ZRANB3: variants seen among roughly 807,000 people sequenced by gnomAD.
ZRANB3 encodes the protein zinc finger RANBP2-type containing 3, also known as DNA annealing helicase and endonuclease ZRANB3.
In ZRANB3, 125 loss-of-function variants were observed where a neutral mutation model predicts 133.8. That is an observed-to-expected ratio of 0.93 (90% CI 0.81 to 1.08). ZRANB3 has a LOEUF of 1.08. Among genes scored for constraint, ZRANB3 ranks in the 50% least tolerant of loss-of-function variants. The pLI, the probability that ZRANB3 is intolerant of heterozygous loss-of-function variation, is 0.00. For missense variants in ZRANB3, 1,229 were observed against 1,275.5 expected (o/e 0.96, Z 0.56); for synonymous variants, 387 against 432.7 (o/e 0.89, Z 1.31).
intron 6 of ZRANB3, among the ~76,000 whole-genome samples, chr2:135,334,016 ATTATCCCTACCTAAC>A (rs1684267588): frequency 6.6e-6 from 1 of 152,274 alleles, no homozygotes; most frequent in Middle Eastern, 3.4e-3. Flanking sequence ...GACTCTGTAT[ATTATCCCTACCTAAC>A]TCCGTCACTA....
intron 12 of ZRANB3, among the ~76,000 whole-genome samples, chr2:135,260,950 T>C (rs1322978696): frequency 1.4e-5 from 2 of 147,028 alleles, no homozygotes; most frequent in East Asian, 3.9e-4. Flanking sequence ...TTTTATTCTA[T>C]ATATACACTT....
chr2:135,402,502 G>A (rs926327862), intron 2 of ZRANB3, among the ~76,000 whole-genome samples: 1 of 151,760 alleles, frequency 6.6e-6, no homozygotes, highest in Admixed American at 6.6e-5. Flanking sequence ...CACCGTGTTA[G>A]CCAGAATGGT....
At chr2:135,208,789 ATAT>A in intron 18 of ZRANB3, 76 bp downstream of exon 18, 1 of 1,267,390 alleles carries the variant, frequency 7.9e-7, no homozygotes, top group Non-Finnish European at 1.1e-6. Flanking sequence ...CAAAGGTGAG[ATAT>A]TATTATGAAA....
intron 3 of ZRANB3, among the ~76,000 whole-genome samples, chr2:135,390,089 C>T (rs1687157593): frequency 6.6e-6 from 1 of 151,852 alleles, no homozygotes; most frequent in Non-Finnish European, 1.5e-5. Flanking sequence ...CCGTGTTAGC[C>T]AGGATGGTCT....
At chr2:135,362,252 T>C (rs1180607000) in intron 3 of ZRANB3, among the ~76,000 whole-genome samples, 4 of 152,074 alleles carry the variant, frequency 2.6e-5, no homozygotes, top group Non-Finnish European at 4.4e-5. Context: ...TTCTGTCTTC[T>C]TTTCTCATAA....
At chr2:135,432,364 T>A (rs374626333) in intron 2 of ZRANB3, among the ~76,000 whole-genome samples, 9 of 152,162 alleles carry the variant, frequency 5.9e-5, no homozygotes, top group Non-Finnish European at 1.3e-4. Context: ...TATAAAACAT[T>A]ACATGAAAAT....
At chr2:135,311,977 G>C (rs1243795165) in intron 8 of ZRANB3, among the ~76,000 whole-genome samples, 1 of 152,022 alleles carries the variant, frequency 6.6e-6, no homozygotes, top group African/African-American at 2.4e-5. Flanking sequence ...CCAAGGTATA[G>C]TGATGGGTGG....
intron 1 of ZRANB3, among the ~76,000 whole-genome samples, chr2:135,513,404 A>T (rs560594637): frequency 6.6e-6 from 1 of 152,214 alleles, no homozygotes; most frequent in East Asian, 1.9e-4. Flanking sequence ...TCCAGAAATA[A>T]GCCTTTACAT....
intron 3 of ZRANB3, among the ~76,000 whole-genome samples, chr2:135,370,361 T>C (rs985102097): frequency 8.6e-5 from 13 of 151,980 alleles, no homozygotes; most frequent in African/African-American, 3.1e-4. Flanking sequence ...CCAAAGTCCA[T>C]TGTGTCATTC....
chr2:135,399,690 T>C (rs1687652450), intron 2 of ZRANB3, among the ~76,000 whole-genome samples: 1 of 152,226 alleles, frequency 6.6e-6, no homozygotes, highest in African/African-American at 2.4e-5. Context: ...TCTATGTTTT[T>C]CACTTATAAC....
chr2:135,502,562 T>A (rs1692995968), intron 2 of ZRANB3, among the ~76,000 whole-genome samples: 1 of 152,230 alleles, frequency 6.6e-6, no homozygotes, highest in Admixed American at 6.5e-5. Flanking sequence ...ATGCACAGCA[T>A]CACAGAGATA....
At chr2:135,359,665 C>A (rs1685586370) in intron 3 of ZRANB3, among the ~76,000 whole-genome samples, 1 of 151,762 alleles carries the variant, frequency 6.6e-6, no homozygotes, top group Non-Finnish European at 1.5e-5. Flanking sequence ...ATTTCTTAAT[C>A]TACCCATTTC....
intron 3 of ZRANB3, among the ~76,000 whole-genome samples, chr2:135,354,176 GT>G (rs2104878056): frequency 6.6e-6 from 1 of 152,208 alleles, no homozygotes; most frequent in East Asian, 1.9e-4. Context: ...TAAATATTAT[GT>G]TGATTTTATA....
At chr2:135,460,425 C>T (rs1449019544) in intron 2 of ZRANB3, among the ~76,000 whole-genome samples, 1 of 151,950 alleles carries the variant, frequency 6.6e-6, no homozygotes, top group Non-Finnish European at 1.5e-5. Context: ...CCACGCCCAG[C>T]TAATTTTTAA....
At chr2:135,318,394 T>C (rs1438933251) in intron 6 of ZRANB3, among the ~76,000 whole-genome samples, 1 of 152,130 alleles carries the variant, frequency 6.6e-6, no homozygotes, top group Non-Finnish European at 1.5e-5. Flanking sequence ...TGGGGGATGG[T>C]TGAATAAACT....
At chr2:135,271,437 A>G (rs1289427781) in intron 10 of ZRANB3, 2 of 480,378 alleles carry the variant, frequency 4.2e-6, no homozygotes, top group East Asian at 6.5e-5. Context: ...TGGATATAAG[A>G]CAGGTATAAG....
chr2:135,511,125 TA>T, intron 1 of ZRANB3: 2 of 770,302 alleles, frequency 2.6e-6, no homozygotes, highest in Admixed American at 1.7e-5. Context: ...TTTACCAACA[TA>T]AGGAGGTATC....
At chr2:135,342,946 C>A (rs1332852032) in intron 6 of ZRANB3, among the ~76,000 whole-genome samples, 2 of 144,236 alleles carry the variant, frequency 1.4e-5, no homozygotes, top group Non-Finnish European at 3.0e-5. Flanking sequence ...AGGTGGATCA[C>A]CTGAGGTCAG....
chr2:135,231,537 A>G lies in ZRANB3; in HGVS notation c.1540-610T>C, dbSNP rs957271831. ...CACTTTGGGAGGCTGATATGGCAGGACTGCCTGAGCCCAGGAGTTCAAGAC... is the reference window on the plus strand; with the variant it reads ...CACTTTGGGAGGCTGATATGGCAGGGCTGCCTGAGCCCAGGAGTTCAAGAC... On this transcript the variant is annotated intron_variant, in intron 12 of 20. Transcript: ENST00000264159. Among the ~76,000 whole-genome samples the G allele has an allele frequency of 2.0e-5, 3 of 152,212 alleles. No individual in the cohort carries two copies. In the East Asian group the frequency reaches 5.8e-4, roughly 29 times the overall value.
Sources: gnomAD v4.1 joint callset for allele counts (sites outside exome capture counted in the v4.1 genomes callset) on GRCh38, gnomAD v4.1.1 for gene constraint, MANE v1.5 for transcripts, NCBI Gene and HGNC (gene_info 2026-07-23, HGNC 2026-07-21) for gene names.